Variants in TEX15 observed in about 807,000 individuals in gnomAD.
The protein encoded by TEX15 is testis expressed 15, meiosis and synapsis associated.
In TEX15, 171 loss-of-function variants were observed where a neutral mutation model predicts 237.3. The ratio of observed to expected loss-of-function variants is 0.72; its 90% CI spans 0.64 to 0.82. TEX15 has a LOEUF of 0.82. TEX15 is among the 40% of genes least tolerant of loss of function. The probability of loss-of-function intolerance (pLI) is 0.00; values close to 1 mark genes in which losing one functional copy is unlikely to be tolerated. For synonymous variants in TEX15, 1,338 were observed against 1,269.8 expected (o/e 1.05, Z -1.14); for missense variants, 3,750 against 3,646.5 (o/e 1.03, Z -0.73).
intron 3 of TEX15, among the ~76,000 whole-genome samples, chr8:30,878,027 T>C (rs1236687664): frequency 6.6e-6 from 1 of 151,956 alleles, no homozygotes; most frequent in East Asian, 1.9e-4. Flanking sequence ...CTCTTCTCCG[T>C]ATGCATACTT....
intron 2 of TEX15, among the ~76,000 whole-genome samples, chr8:30,891,481 AC>A (rs1287647644): frequency 2.1e-5 from 3 of 144,012 alleles, no homozygotes; most frequent in Admixed American, 7.1e-5. Context: ...TTCTCCCCGC[AC>A]CCCCCCTTTT....
At chr8:30,896,589 A>G (rs559042259) in intron 2 of TEX15, among the ~76,000 whole-genome samples, 3 of 152,050 alleles carry the variant, frequency 2.0e-5, no homozygotes, top group South Asian at 4.2e-4. Flanking sequence ...GAATGCCCCC[A>G]TTCTGTTGAT....
chr8:30,878,000 T>C (rs981989138), intron 3 of TEX15, among the ~76,000 whole-genome samples: 1 of 151,818 alleles, frequency 6.6e-6, no homozygotes, highest in Admixed American at 6.6e-5. Context: ...TGTCCCTAAA[T>C]CCTGAAAATT....
At chr8:30,890,994 AT>A (rs954344683) in intron 2 of TEX15, among the ~76,000 whole-genome samples, 2 of 152,280 alleles carry the variant, frequency 1.3e-5, no homozygotes, top group African/African-American at 4.8e-5. Context: ...GTATTTTAAT[AT>A]TTTTGTCTTT....
In TEX15 at chr8:30,845,384, G is replaced by T; in HGVS notation, c.4783C>A (p.His1595Asn). 3 of 1,611,280 alleles carry T rather than the reference G, an allele frequency of 1.9e-6. No homozygotes were observed. In the South Asian group the frequency reaches 3.3e-5, roughly 18 times the overall value. ...TCTTTAGTTGCATCTTTAACATTAT[G>T]ATTTGCTGAATGTTTTTCAAGCTTT... ...YEKLEKHSAN[H>N]NVKDATKENS... The change falls in exon 8 of 11, where the codon CAT (histidine) becomes AAT (asparagine). Residue 1595 changes from histidine to asparagine, a missense_variant. By Grantham distance (68) the His-to-Asn change is moderately conservative. Transcript: ENST00000643185.
rs1320829059 is a variant in TEX15 at position 30,843,632 on chromosome 8, T to C, written c.6535A>G (p.Ile2179Val). The change falls in exon 8 of 11, where the codon ATA becomes GTA. Residue 2179 changes from isoleucine (I) to valine (V), a missense_variant. Ile to Val is a conservative substitution (Grantham distance 29). Transcript: ENST00000643185. ...YKRQVNECEAIMEHCSDCFDF... is the reference protein window; with the variant it reads ...YKRQVNECEAVMEHCSDCFDF... ...AAGCAATCGGAACAATGCTCCATTATGGCTTCACATTCATTAACCTGTCGT... is the reference window on the plus strand; with the variant it reads ...AAGCAATCGGAACAATGCTCCATTACGGCTTCACATTCATTAACCTGTCGT... 12 of 1,612,778 alleles carry C rather than the reference T, an allele frequency of 7.4e-6. No homozygotes were observed. The highest frequency in any genetic ancestry group is 1.3e-5 in the African/African-American group (1 of 74,914).
chr8:30,878,689 C>T (rs1465218412), intron 3 of TEX15, among the ~76,000 whole-genome samples: 3 of 152,030 alleles, frequency 2.0e-5, no homozygotes, highest in Admixed American at 6.6e-5. Context: ...GCCTGGCCTG[C>T]GTGCTTACTT....
chr8:30,843,042 T>C lies in TEX15; in HGVS notation c.7125A>G (p.Ile2375Met), dbSNP rs751013399. ...GGTCTGCAAATTCAGCCTGATCCAA[T>C]ATCTCACTAATACAACAAATATCTG... ...AHPDICCISE[I>M]LDQAEFADLK... Residue 2375 changes from isoleucine (I) to methionine (M), a missense_variant, in exon 8 of 11, where the codon ATA (isoleucine) becomes ATG (methionine). Coordinates refer to ENST00000643185, the MANE Select transcript of TEX15 (RefSeq NM_001350162.2). 1.2e-6 allele frequency: 2 copies of C among 1,613,640 alleles called. No homozygotes were observed.
At chr8:30,904,879 TAA>T (rs758432599) in intron 1 of TEX15, among the ~76,000 whole-genome samples, 1 of 152,188 alleles carries the variant, frequency 6.6e-6, no homozygotes, top group Non-Finnish European at 1.5e-5. Flanking sequence ...TTGATAAGGT[TAA>T]AACAAGTTAT....
intron 4 of TEX15, among the ~76,000 whole-genome samples, chr8:30,871,128 C>T (rs965915499): frequency 6.6e-6 from 1 of 152,012 alleles, no homozygotes; most frequent in East Asian, 1.9e-4. Context: ...ACTAAAAGCT[C>T]CTGTGATTAA....
intron 3 of TEX15, among the ~76,000 whole-genome samples, chr8:30,882,934 G>T (rs1291278365): frequency 1.3e-5 from 2 of 152,022 alleles, no homozygotes; most frequent in East Asian, 3.9e-4. Flanking sequence ...ACCATGGCTG[G>T]ATAATTCTTG....
chr8:30,910,423 G>C (rs1010285660), intron 1 of TEX15, among the ~76,000 whole-genome samples: 3 of 152,114 alleles, frequency 2.0e-5, no homozygotes, highest in Admixed American at 6.5e-5. Context: ...ACTCCTACGG[G>C]TAATTTCTTA....
At chr8:30,841,646 T>C (rs372868995) in intron 8 of TEX15, among the ~76,000 whole-genome samples, 3 of 152,322 alleles carry the variant, frequency 2.0e-5, no homozygotes, top group African/African-American at 7.2e-5. Context: ...ACACGGGGCA[T>C]AGGCTTGTTA....
intron 2 of TEX15, chr8:30,888,718 T>C (rs1808719786): frequency 8.5e-7 from 1 of 1,172,986 alleles, no homozygotes; most frequent in African/African-American, 1.6e-5. Flanking sequence ...AATTAAAAGA[T>C]GCTAAAATTC....
intron 10 of TEX15, among the ~76,000 whole-genome samples, chr8:30,834,234 G>T (rs1289890242): frequency 2.6e-5 from 4 of 152,130 alleles, no homozygotes; most frequent in Admixed American, 2.6e-4. Flanking sequence ...GTGCAATGGC[G>T]TGATCTCGGC....
At chr8:30,910,609 C>A (rs1563282576) in intron 1 of TEX15, among the ~76,000 whole-genome samples, 2 of 133,406 alleles carry the variant, frequency 1.5e-5, no homozygotes, top group African/African-American at 6.1e-5. Flanking sequence ...CCACGCCTGG[C>A]CTTTTTTTTT....
rs756999935 is a variant in TEX15 at position 30,839,195 on chromosome 8, T to C, written c.8222+711A>G. On this transcript the variant is annotated intron_variant, in intron 9 of 10. Transcript: ENST00000643185. Reference sequence around the variant, plus strand: ...TATGTTGAGAAGGGAAAAGTAGTACTATTTCTCTGTAGTCAAGAGAAATTC... The same window carrying C: ...TATGTTGAGAAGGGAAAAGTAGTACCATTTCTCTGTAGTCAAGAGAAATTC... Among the ~76,000 whole-genome samples the C allele has an allele frequency of 1.6e-4, 24 of 152,174 alleles. No homozygotes were observed. In the South Asian group the frequency reaches 2.3e-3, roughly 14 times the overall value.
chr8:30,863,036 T>G (rs1808084005), intron 5 of TEX15, among the ~76,000 whole-genome samples: 1 of 152,200 alleles, frequency 6.6e-6, no homozygotes, highest in Non-Finnish European at 1.5e-5. Context: ...TTTGGATCTC[T>G]GGAACCTACT....
chr8:30,850,182 A>G (rs757977601), intron 7 of TEX15, among the ~76,000 whole-genome samples: 2 of 152,162 alleles, frequency 1.3e-5, no homozygotes, highest in Non-Finnish European at 1.5e-5. Flanking sequence ...GCAAACTACT[A>G]TTCGTCTTTT....
Sources: allele counts gnomAD v4.1 joint callset (sites outside exome capture counted in the v4.1 genomes callset), GRCh38; gene constraint gnomAD v4.1.1; transcripts MANE v1.5; gene names NCBI Gene and HGNC (gene_info 2026-07-23, HGNC 2026-07-21).